Variants in KDM3B observed in about 807,000 individuals in gnomAD.
KDM3B encodes lysine demethylase 3B.
In KDM3B, 10 loss-of-function variants were observed where a neutral mutation model predicts 170.0. That is an observed-to-expected ratio of 0.06 (90% CI 0.04 to 0.10). The LOEUF is 0.10. KDM3B is among the 10% of genes least tolerant of loss of function. The pLI is 1.00. For missense variants in KDM3B, 1,394 were observed against 2,195.2 expected (o/e 0.64, Z 7.29); for synonymous variants, 831 against 834.8 (o/e 1.00, Z 0.08).
At chr5:138,392,295 C>T (rs751722642) in intron 8 of KDM3B, 34 bp downstream of exon 8, 19 of 1,459,796 alleles carry the variant, frequency 1.3e-5, no homozygotes, top group Non-Finnish European at 1.5e-5. Context: ...GGGCTTTGCT[C>T]TGGCACTGGG....
chr5:138,388,857 A>G (rs557862803), intron 7 of KDM3B, among the ~76,000 whole-genome samples: 4 of 152,354 alleles, frequency 2.6e-5, no homozygotes, highest in East Asian at 1.9e-4. Context: ...TTTCATTACA[A>G]TGGCTGATCT....
chr5:138,358,774 TTA>T (rs1401271444), intron 1 of KDM3B, among the ~76,000 whole-genome samples: 1 of 140,060 alleles, frequency 7.1e-6, no homozygotes, highest in Non-Finnish European at 1.5e-5. Context: ...ATTTATTTAT[TTA>T]TTTATTTTTA....
At chr5:138,419,666 A>T (rs374034004) in intron 14 of KDM3B, among the ~76,000 whole-genome samples, 2,948 of 113,872 alleles carry the variant, frequency 0.026, 78 homozygotes, top group South Asian at 0.063. Context: ...AAAAAAAAAA[A>T]AAATATATAT....
chr5:138,365,367 C>G (rs545633915), intron 1 of KDM3B, among the ~76,000 whole-genome samples: 2 of 152,136 alleles, frequency 1.3e-5, no homozygotes, highest in Non-Finnish European at 2.9e-5. Context: ...AAGCGATTCT[C>G]CTGCCTCAGC....
At chr5:138,374,930 T>C (rs1436261878) in intron 2 of KDM3B, among the ~76,000 whole-genome samples, 163 bp from the exon 3 acceptor site, 1 of 152,196 alleles carries the variant, frequency 6.6e-6, no homozygotes, top group Non-Finnish European at 1.5e-5. Context: ...ATTTGAGGGG[T>C]AGATGCTAGG....
chr5:138,430,704 A>T (rs1183285133), intron 22 of KDM3B, among the ~76,000 whole-genome samples: 1 of 152,196 alleles, frequency 6.6e-6, no homozygotes, highest in African/African-American at 2.4e-5. Flanking sequence ...CAGCCTGACC[A>T]ACATGGTGAA....
In KDM3B at chr5:138,389,782, C is replaced by CTGTGTGTGTGTGTGTG. The variant is rs148405512; in HGVS notation, c.1381-1215_1381-1200dup. Among the ~76,000 whole-genome samples the CTGTGTGTGTGTGTGTG allele has an allele frequency of 2.6e-3, 380 of 143,536 alleles. 3 individuals carry two copies. Among genetic ancestry groups the CTGTGTGTGTGTGTGTG allele is most frequent in the African/African-American group, 9.4e-3 (364 of 38,706 alleles). The allele number at this position is 143,536 out of a possible 152,430, so 94.2% of individuals were successfully genotyped here. A position where few individuals can be genotyped will look rare whatever the true frequency, so the allele number is the denominator to read the frequency against. On this transcript the variant is annotated intron_variant, in intron 7 of 23. Transcript: ENST00000314358. ...GTCTCTTCTCTCTCTCTCTCTCTCTCTGTGTGTGTGTGTGTGTGTGTGTGT... is the reference window on the plus strand; with the variant it reads ...GTCTCTTCTCTCTCTCTCTCTCTCTCTGTGTGTGTGTGTGTGTGTGTGTGTGTGTGTGTGTGTGTGT...
intron 15 of KDM3B, 86 bp from the exon 16 acceptor site, chr5:138,423,989 T>A: frequency 2.9e-6 from 4 of 1,378,140 alleles, no homozygotes; most frequent in Non-Finnish European, 2.9e-6. Context: ...TCAGAACTCC[T>A]TGTGAATACA....
chr5:138,389,466 A>G (rs538466536), intron 7 of KDM3B, among the ~76,000 whole-genome samples: 142 of 152,330 alleles, frequency 9.3e-4, no homozygotes, highest in Non-Finnish European at 1.5e-3. Flanking sequence ...TAAAATACAC[A>G]TAATGTAAAA....
chr5:138,410,074 A>G (rs1467772141), intron 11 of KDM3B, among the ~76,000 whole-genome samples: 1 of 151,130 alleles, frequency 6.6e-6, no homozygotes, highest in East Asian at 1.9e-4. Flanking sequence ...GCAATGAGCG[A>G]AACTCCTTCT....
chr5:138,426,574 CAAAAA>C (rs566978034), intron 17 of KDM3B, among the ~76,000 whole-genome samples: 1 of 69,192 alleles, frequency 1.4e-5, no homozygotes. Context: ...GACTCCATCT[CAAAAA>C]AAAAAAAAAA....
chr5:138,365,349 C>A (rs1006255920), intron 1 of KDM3B, among the ~76,000 whole-genome samples: 2 of 152,210 alleles, frequency 1.3e-5, no homozygotes, highest in East Asian at 3.9e-4. Context: ...CCTCTGCCTC[C>A]GGGGTTCAAG....
chr5:138,378,442 A>C (rs963868752), intron 4 of KDM3B, among the ~76,000 whole-genome samples: 1 of 152,186 alleles, frequency 6.6e-6, no homozygotes, highest in Admixed American at 6.6e-5. Flanking sequence ...GTTTTTAATA[A>C]TGAAAAAAAT....
In KDM3B at chr5:138,420,929, A is replaced by T. The variant is rs755674676; in HGVS notation, c.3939A>T (p.Ile1313=). The T allele has an allele frequency of 1.2e-6, 2 of 1,613,928 alleles. No homozygotes were observed. Among genetic ancestry groups the T allele is most frequent in the Admixed American group, 3.3e-5 (2 of 60,004 alleles). The change falls in exon 15 of 24, where the codon ATA becomes ATT. Residue 1313 remains isoleucine (I), a synonymous_variant. Coordinates refer to ENST00000314358, the MANE Select transcript of KDM3B (RefSeq NM_016604.4). The part of the protein sequence containing the change: ...KLPQTPLDTG[I]PFPPVFSTSS... ...CTCAAACCCCCTTGGACACAGGCATACCCTTTCCCCCGGTCTTCTCTACAT... is the reference window on the plus strand; with the variant it reads ...CTCAAACCCCCTTGGACACAGGCATTCCCTTTCCCCCGGTCTTCTCTACAT...
At chr5:138,395,429 A>C (rs1762522719) in intron 9 of KDM3B, among the ~76,000 whole-genome samples, 1 of 152,158 alleles carries the variant, frequency 6.6e-6, no homozygotes, top group Non-Finnish European at 1.5e-5. Context: ...AAGACAACTA[A>C]AGAAAGTATT....
intron 15 of KDM3B, among the ~76,000 whole-genome samples, chr5:138,421,495 A>T (rs1366739714): frequency 3.3e-5 from 5 of 152,098 alleles, no homozygotes; most frequent in Admixed American, 6.5e-5. Flanking sequence ...TTGATCTTCA[A>T]ACTATATTCA....
At chr5:138,420,627 G>T (rs977023031) in intron 14 of KDM3B, 79 bp from the exon 15 acceptor site, 1 of 1,475,766 alleles carries the variant, frequency 6.8e-7, no homozygotes, top group Non-Finnish European at 9.4e-7. Context: ...TCCTTCCCAT[G>T]TGACTGATTT....
chr5:138,435,272 C>T (rs12657315), intron 23 of KDM3B, among the ~76,000 whole-genome samples: 39,001 of 151,996 alleles, frequency 0.26, 5,659 homozygotes, highest in East Asian at 0.56. Context: ...CCTTAGTTTC[C>T]GCAGTTTCTC....
intron 1 of KDM3B, among the ~76,000 whole-genome samples, chr5:138,356,142 G>T (rs1207049643): frequency 1.3e-5 from 2 of 152,010 alleles, no homozygotes; most frequent in Non-Finnish European, 2.9e-5. Context: ...GGACATTCAG[G>T]TTATCTAAAG....
Sources: gnomAD v4.1 joint callset for allele counts (sites outside exome capture counted in the v4.1 genomes callset) on GRCh38, gnomAD v4.1.1 for gene constraint, MANE v1.5 for transcripts, NCBI Gene and HGNC (gene_info 2026-07-23, HGNC 2026-07-21) for gene names.